The following PTPRD variants were observed in gnomAD, a reference collection of about 807,000 sequenced individuals.
PTPRD encodes protein tyrosine phosphatase receptor type D, also known as receptor-type tyrosine-protein phosphatase delta.
In PTPRD, 34 loss-of-function variants were observed where a neutral mutation model predicts 214.5. That is an observed-to-expected ratio of 0.16 (90% confidence interval 0.12 to 0.21). PTPRD has a LOEUF of 0.21. Among genes scored for constraint, PTPRD ranks in the 10% least tolerant of loss-of-function variants. The pLI, the probability that PTPRD is intolerant of heterozygous loss-of-function variation, is 1.00. For synonymous variants in PTPRD, 1,128 were observed against 845.7 expected (o/e 1.33, Z -5.79); for missense variants, 2,545 against 2,398.7 (o/e 1.06, Z -1.27).
intron 2 of PTPRD, among the ~76,000 whole-genome samples, chr9:10,441,558 TC>T (rs770604081): frequency 1.2e-4 from 18 of 151,292 alleles, no homozygotes; most frequent in South Asian, 4.2e-4. Context: ...TATTTTTTTT[TC>T]CTTTCTGTTC....
At chr9:9,991,795 A>T (rs2095937948) in intron 4 of PTPRD, among the ~76,000 whole-genome samples, 1 of 151,880 alleles carries the variant, frequency 6.6e-6, no homozygotes, top group South Asian at 2.1e-4. Flanking sequence ...AAAACCAGAC[A>T]ATTCCAATAA....
intron 3 of PTPRD, among the ~76,000 whole-genome samples, chr9:10,295,848 T>G (rs932291901): frequency 6.6e-6 from 1 of 152,016 alleles, no homozygotes; most frequent in Admixed American, 6.6e-5. Context: ...GAAGTCAAAT[T>G]TGAATTGTGT....
chr9:9,585,044 T>C (rs920429549), intron 7 of PTPRD, among the ~76,000 whole-genome samples: 14 of 152,110 alleles, frequency 9.2e-5, no homozygotes, highest in Non-Finnish European at 1.5e-4. Context: ...ACTTCTTCTT[T>C]CATAAAATTC....
chr9:9,017,194 A>G (rs1326544220), intron 11 of PTPRD, among the ~76,000 whole-genome samples: 2 of 152,172 alleles, frequency 1.3e-5, no homozygotes, highest in East Asian at 1.9e-4. Context: ...AGCAACAACC[A>G]TAAACGAACA....
chr9:8,314,293 C>G lies in PTPRD; in HGVS notation c.*3581G>C. 4.5e-6 allele frequency: 1 copy of G among 221,216 alleles called. No homozygotes were observed. The highest frequency in any genetic ancestry group is 6.6e-5 in the East Asian group (1 of 15,204). 13.7% of individuals were successfully genotyped at this position (221,216 alleles called of 1,614,324 possible). ...TAGAATTCATTTGTAACAAATGGAA[C>G]TTGTGTCAGCAAAGAACTGATTTTC... On this transcript the variant is annotated 3_prime_UTR_variant, in exon 46 of 46. Transcript: ENST00000381196.
chr9:9,922,700 ATAAAAT>A, intron 5 of PTPRD, among the ~76,000 whole-genome samples: 1 of 152,276 alleles, frequency 6.6e-6, no homozygotes, highest in South Asian at 2.1e-4. Flanking sequence ...AGTATGAAAA[ATAAAAT>A]TTAAAAAACC....
chr9:8,558,565 G>C (rs7027214), intron 14 of PTPRD, among the ~76,000 whole-genome samples: 11 of 152,208 alleles, frequency 7.2e-5, no homozygotes, highest in South Asian at 4.1e-4. Context: ...TTTCACATGT[G>C]TCAGATTTTC....
At chr9:8,759,392 G>A (rs889844902) in intron 11 of PTPRD, among the ~76,000 whole-genome samples, 3 of 151,904 alleles carry the variant, frequency 2.0e-5, no homozygotes, top group African/African-American at 7.3e-5. Context: ...ATTGTGTCTT[G>A]GAGGAGGCAA....
At chr9:10,464,270 A>T (rs1351008888) in intron 2 of PTPRD, among the ~76,000 whole-genome samples, 4 of 152,064 alleles carry the variant, frequency 2.6e-5, no homozygotes, top group Non-Finnish European at 4.4e-5. Flanking sequence ...TAAAGATTTT[A>T]AAAAGCTGGG....
rs527447352 is a variant in PTPRD at position 10,549,284 on chromosome 9, C to G, written c.-600+63114G>C. Among the ~76,000 whole-genome samples, 38 of 152,236 alleles carry G rather than the reference C, an allele frequency of 2.5e-4. No individual in the cohort carries two copies. In the South Asian group the frequency reaches 7.7e-3, roughly 31 times the overall value. ...TGTGTCAAATAACCCTGTTAGACTT[C>G]TACATCCAAACCGAACAGCCCTCTA... On this transcript the variant is annotated intron_variant, in intron 2 of 45. Transcript: ENST00000381196.
At chr9:8,968,344 T>C (rs1359192869) in intron 11 of PTPRD, among the ~76,000 whole-genome samples, 1 of 152,068 alleles carries the variant, frequency 6.6e-6, no homozygotes, top group Non-Finnish European at 1.5e-5. Flanking sequence ...TCTTCCACAA[T>C]GGTTGAACTA....
chr9:9,551,745 A>G (rs1475885377), intron 8 of PTPRD, among the ~76,000 whole-genome samples: 1 of 151,886 alleles, frequency 6.6e-6, no homozygotes, highest in Non-Finnish European at 1.5e-5. Flanking sequence ...TGATCTTAGA[A>G]CCCCACAAAC....
rs180902202 is a variant in PTPRD, at chr9:10,443,365, T to G, written c.-599-102348A>C. 3.0e-4 allele frequency among the ~76,000 whole-genome samples: 46 copies of G among 151,784 alleles called. 1 individual carries two copies. In the East Asian group the frequency reaches 8.7e-3, roughly 29 times the overall value. On this transcript the variant is annotated intron_variant, in intron 2 of 45. Coordinates refer to ENST00000381196, the MANE Select transcript of PTPRD (RefSeq NM_002839.4). ...ATCTATGGTAGTAAATCTTCCAAACTAACTTCACATAGCCTGCAAGCCAGA... is the reference window on the plus strand; with the variant it reads ...ATCTATGGTAGTAAATCTTCCAAACGAACTTCACATAGCCTGCAAGCCAGA...
chr9:9,190,594 G>T (rs191300285), intron 9 of PTPRD, among the ~76,000 whole-genome samples: 73 of 152,054 alleles, frequency 4.8e-4, no homozygotes, highest in African/African-American at 1.6e-3. Context: ...CTGATCTTCT[G>T]AATTTCACCA....
At chr9:9,625,640 T>A (rs10816148) in intron 7 of PTPRD, among the ~76,000 whole-genome samples, 55,035 of 151,534 alleles carry the variant, frequency 0.36, 10,361 homozygotes, top group Middle Eastern at 0.44. Context: ...GCTCAAAGTC[T>A]GAGATAGTCA....
At chr9:9,159,069 G>A (rs1280072305) in intron 10 of PTPRD, among the ~76,000 whole-genome samples, 1 of 152,118 alleles carries the variant, frequency 6.6e-6, no homozygotes, top group Admixed American at 6.6e-5. Flanking sequence ...ACACAATAAA[G>A]GCTATGCATG....
intron 2 of PTPRD, among the ~76,000 whole-genome samples, chr9:10,342,615 C>T (rs2096963641): frequency 6.6e-6 from 1 of 152,030 alleles, no homozygotes; most frequent in Admixed American, 6.6e-5. Flanking sequence ...TGTATAAATA[C>T]ACTTACTTAG....
intron 35 of PTPRD, among the ~76,000 whole-genome samples, chr9:8,431,494 G>T (rs1466888913): frequency 1.3e-5 from 2 of 152,126 alleles, no homozygotes; most frequent in African/African-American, 4.8e-5. Flanking sequence ...ATTTCTAGGG[G>T]CTGCAGTTGC....
intron 6 of PTPRD, among the ~76,000 whole-genome samples, chr9:9,736,054 T>C (rs1323800): frequency 0.26 from 39,700 of 151,980 alleles, 5,818 homozygotes; most frequent in Middle Eastern, 0.43. Flanking sequence ...GTGCAGAGAT[T>C]TGTAATCATG....
Sources: gnomAD v4.1 joint callset for allele counts (sites outside exome capture counted in the v4.1 genomes callset) on GRCh38, gnomAD v4.1.1 for gene constraint, MANE v1.5 for transcripts, NCBI Gene and HGNC (gene_info 2026-07-23, HGNC 2026-07-21) for gene names.